MICAL2: variants seen among roughly 807,000 people sequenced by gnomAD.
MICAL2 encodes [F-actin]-monooxygenase MICAL2.
MICAL2 carries 77 observed loss-of-function variants against 127.3 expected under a neutral mutation model. The ratio of observed to expected loss-of-function variants is 0.60; its 90% confidence interval spans 0.50 to 0.73. The LOEUF (loss-of-function observed/expected upper bound fraction) is 0.73, where lower values mean the gene tolerates loss of function less well. MICAL2 is among the 30% of genes least tolerant of loss of function. The probability of loss-of-function intolerance (pLI) is 0.00; values close to 1 mark genes in which losing one functional copy is unlikely to be tolerated. For synonymous variants in MICAL2, 570 were observed against 551.1 expected (o/e 1.03, Z -0.48); for missense variants, 1,351 against 1,434.4 (o/e 0.94, Z 0.94).
chr11:12,244,014 C>A lies in MICAL2; in HGVS notation c.2686C>A (p.His896Asn). 1 of 1,613,936 alleles carries A rather than the reference C, an allele frequency of 6.2e-7. No individual in the cohort carries two copies. Residue 896 changes from histidine to asparagine, a missense_variant, in exon 21 of 28, where the codon CAT becomes AAT. His to Asn is a moderately conservative substitution (Grantham distance 68, BLOSUM62 1). This residue lies in a region of MICAL2 where 752 missense variants were observed against 719.4 expected (regional missense o/e 1.05). Transcript: ENST00000683283. ...TAAACTACTCTCTAAAGGCCTGTCTCATACTCATCCTCCATCTCCTCCCTC... is the reference window on the plus strand; with the variant it reads ...TAAACTACTCTCTAAAGGCCTGTCTAATACTCATCCTCCATCTCCTCCCTC... Reference protein sequence around the residue: ...QNKLLSKGLSHTHPPSPPSRL... With the variant: ...QNKLLSKGLSNTHPPSPPSRL...
chr11:12,175,427 G>C (rs952907742), intron 3 of MICAL2, among the ~76,000 whole-genome samples: 3 of 152,082 alleles, frequency 2.0e-5, no homozygotes, highest in South Asian at 2.1e-4. Context: ...AGTGAGCCGA[G>C]ATTGCGCCAC....
chr11:12,355,230 T>A (rs1939112170), intron 34 of MICAL2, among the ~76,000 whole-genome samples: 1 of 152,132 alleles, frequency 6.6e-6, no homozygotes, highest in African/African-American at 2.4e-5. Context: ...CACCCCCAGT[T>A]CCGTAATGCT....
chr11:12,209,020 A>ATT (rs11382193), intron 5 of MICAL2, among the ~76,000 whole-genome samples: 171 of 150,708 alleles, frequency 1.1e-3, no homozygotes, highest in African/African-American at 2.0e-3. Context: ...GCTTCACCTG[A>ATT]TTTTTTTTTT....
At chr11:12,252,262 C>T (rs1304959243) in intron 22 of MICAL2, among the ~76,000 whole-genome samples, 1 of 152,208 alleles carries the variant, frequency 6.6e-6, no homozygotes, top group Middle Eastern at 3.2e-3. Flanking sequence ...AATTTCTTGG[C>T]ATTTGTGGCC....
At chr11:12,268,730 C>T (rs563844897), downstream of MICAL2, among the ~76,000 whole-genome samples, 132 of 152,156 alleles carry the variant, frequency 8.7e-4, no homozygotes, top group Non-Finnish European at 1.4e-3. Context: ...GTCGCTCACG[C>T]GTGTAATCCA....
At position 12,346,071 on chromosome 11, in the gene MICAL2, T is replaced by C. The variant is rs1366670290; in HGVS notation, c.5516-3767T>C. Among the ~76,000 whole-genome samples, 3 of 151,660 alleles carry C rather than the reference T, an allele frequency of 2.0e-5. No homozygotes were observed. The East Asian group carries it at 5.8e-4, about 29-fold the overall frequency. Reference sequence around the variant, plus strand: ...GAATCAGTGGTTAGCGGCCAACCCATTGAAGGCCGATAGAAAGAAGTTTTC... The same window carrying C: ...GAATCAGTGGTTAGCGGCCAACCCACTGAAGGCCGATAGAAAGAAGTTTTC... On this transcript the variant is annotated intron_variant, in intron 32 of 34. Coordinates refer to the MICAL2 transcript ENST00000646065.
chr11:12,156,853 T>C (rs1854242770), intron 2 of MICAL2, among the ~76,000 whole-genome samples: 1 of 152,218 alleles, frequency 6.6e-6, no homozygotes, highest in Non-Finnish European at 1.5e-5. Context: ...GAGTTAGAGC[T>C]GGAGCTTTTA....
intron 29 of MICAL2, among the ~76,000 whole-genome samples, chr11:12,319,175 G>A (rs995980485): frequency 4.0e-5 from 6 of 151,874 alleles, no homozygotes; most frequent in Non-Finnish European, 8.8e-5. Flanking sequence ...ACATTCTGAC[G>A]CCAGCTCTTT....
At chr11:12,337,347 A>C (rs1431081381) in intron 32 of MICAL2, among the ~76,000 whole-genome samples, 2 of 151,298 alleles carry the variant, frequency 1.3e-5, no homozygotes, top group South Asian at 2.1e-4. Context: ...TCTCTCTTTT[A>C]TTCTTTATTA....
At chr11:12,295,638 C>T (rs1863977966), downstream of MICAL2, among the ~76,000 whole-genome samples, 1 of 152,026 alleles carries the variant, frequency 6.6e-6, no homozygotes, top group Middle Eastern at 3.4e-3. Flanking sequence ...CTCAAGCAGT[C>T]CTCTCACCTT....
At chr11:12,204,681 T>C (rs976709342) in intron 4 of MICAL2, among the ~76,000 whole-genome samples, 15 of 152,240 alleles carry the variant, frequency 9.9e-5, no homozygotes, top group Non-Finnish European at 2.2e-4. Flanking sequence ...GATTGCAGCA[T>C]GCCTTAATCA....
intron 3 of MICAL2, among the ~76,000 whole-genome samples, chr11:12,174,645 C>T (rs1856643350): frequency 1.3e-5 from 2 of 151,750 alleles, no homozygotes; most frequent in Non-Finnish European, 2.9e-5. Flanking sequence ...GTGATGAACA[C>T]TGACGTGCAA....
At chr11:12,207,106 T>C (rs1338256583) in intron 4 of MICAL2, among the ~76,000 whole-genome samples, 4 of 152,158 alleles carry the variant, frequency 2.6e-5, no homozygotes, top group African/African-American at 7.2e-5. Context: ...TGGGCTCTTG[T>C]CACCTTCACA....
chr11:12,236,045 C>T, intron 15 of MICAL2, 132 bp from the exon 16 acceptor site: 2 of 735,650 alleles, frequency 2.7e-6, no homozygotes, highest in Non-Finnish European at 4.9e-6. Context: ...TGCCTGTAGG[C>T]TGACAGCTGT....
intron 32 of MICAL2, among the ~76,000 whole-genome samples, chr11:12,345,891 A>G (rs543689227): frequency 6.6e-6 from 1 of 152,326 alleles, no homozygotes; most frequent in Non-Finnish European, 1.5e-5. Flanking sequence ...GGGTAAGCAG[A>G]ATGGGCATCC....
intron 32 of MICAL2, among the ~76,000 whole-genome samples, chr11:12,343,890 T>G (rs191025004): frequency 1.3e-5 from 2 of 152,110 alleles, no homozygotes; most frequent in Admixed American, 1.3e-4. Context: ...TCTAGATACG[T>G]GGAAAAAATG....
chr11:12,147,954 G>T (rs557111022), intron 2 of MICAL2, among the ~76,000 whole-genome samples: 1 of 152,334 alleles, frequency 6.6e-6, no homozygotes, highest in African/African-American at 2.4e-5. Flanking sequence ...GGTTTGGTGA[G>T]CTTAGGCATA....
At chr11:12,126,705 T>TAAA (rs5789711) in intron 1 of MICAL2, among the ~76,000 whole-genome samples, 74,079 of 143,908 alleles carry the variant, frequency 0.51, 20,106 homozygotes, top group East Asian at 0.68. Context: ...CTTATGTGTG[T>TAAA]AAAAAAAAAA....
chr11:12,199,215 A>G (rs1467149293), intron 3 of MICAL2, among the ~76,000 whole-genome samples: 2 of 152,194 alleles, frequency 1.3e-5, no homozygotes, highest in Admixed American at 6.5e-5. Context: ...CCTCACTTAT[A>G]AAGTGGGGAT....
Sources: allele counts gnomAD v4.1 joint callset (sites outside exome capture counted in the v4.1 genomes callset), GRCh38; gene constraint gnomAD v4.1.1; regional missense constraint gnomAD v4.1.1; transcripts MANE v1.5; gene names NCBI Gene and HGNC (gene_info 2026-07-23, HGNC 2026-07-21).